Variants in ARHGAP10 observed in about 807,000 individuals in gnomAD.
ARHGAP10 encodes rho GTPase-activating protein 10.
A neutral mutation model predicts 108.6 loss-of-function variants in ARHGAP10; 87 were observed. The ratio of observed to expected loss-of-function variants is 0.80; its 90% CI spans 0.67 to 0.96. The LOEUF (loss-of-function observed/expected upper bound fraction) is 0.96, where lower values mean the gene tolerates loss of function less well. Ranked by LOEUF, ARHGAP10 falls within the 40% of genes least tolerant of loss-of-function variation. ARHGAP10 has a pLI of 0.00. For synonymous variants in ARHGAP10, 347 were observed against 341.1 expected, an observed-to-expected ratio of 1.02 and a Z score of -0.19; for missense variants, 939 against 954.5, an observed-to-expected ratio of 0.98 and a Z score of 0.21.
At chr4:147,858,327 C>T (rs1055443609) in intron 5 of ARHGAP10, 4 of 133,118 alleles carry the variant, frequency 3.0e-5, no homozygotes, top group East Asian at 4.4e-4. Flanking sequence ...GATTTAGTCT[C>T]ATCCCACAAA....
In ARHGAP10 at chr4:148,047,165, C is replaced by T. The variant is rs1578824954; in HGVS notation, c.2027+114C>T. 4.7e-6 allele frequency: 6 copies of T among 1,289,142 alleles called. No individual in the cohort carries two copies. In the East Asian group the frequency reaches 1.5e-4, roughly 32 times the overall value. 79.9% of individuals were successfully genotyped at this position (1,289,142 alleles called of 1,614,324 possible). ...GCTGAAGCCATTAGATCTAGGAGCC[C>T]TTGTTTTCTTATCAGAAGGGCCACC... On this transcript the variant is annotated intron_variant, in intron 20 of 22. Coordinates refer to ENST00000336498, the MANE Select transcript of ARHGAP10 (RefSeq NM_024605.4).
At chr4:147,760,290 G>GT (rs1204515959) in intron 1 of ARHGAP10, among the ~76,000 whole-genome samples, 2 of 152,238 alleles carry the variant, frequency 1.3e-5, no homozygotes, top group Admixed American at 6.5e-5. Flanking sequence ...ACTGAAGGAG[G>GT]TAAGTGCGTC....
At chr4:147,976,303 T>C (rs1008800461) in intron 18 of ARHGAP10, among the ~76,000 whole-genome samples, 2 of 152,220 alleles carry the variant, frequency 1.3e-5, no homozygotes, top group Non-Finnish European at 2.9e-5. Flanking sequence ...TAGGCAGCAC[T>C]AGTTTTTATG....
chr4:148,000,851 A>G (rs903633089), intron 18 of ARHGAP10, among the ~76,000 whole-genome samples: 1 of 152,136 alleles, frequency 6.6e-6, no homozygotes, highest in Non-Finnish European at 1.5e-5. Context: ...AGTAGATTGC[A>G]AAAATTTTCT....
chr4:147,870,560 G>C (rs895043762), intron 7 of ARHGAP10, among the ~76,000 whole-genome samples: 48 of 47,328 alleles, frequency 1.0e-3, no homozygotes, highest in African/African-American at 2.5e-3. Flanking sequence ...AAAGTGGCTA[G>C]ACTTTTTTTT....
At chr4:147,783,271 A>G (rs1730639349) in intron 1 of ARHGAP10, among the ~76,000 whole-genome samples, 1 of 144,980 alleles carries the variant, frequency 6.9e-6, no homozygotes, top group Non-Finnish European at 1.5e-5. Flanking sequence ...TATAATTTAT[A>G]TAACACACAT....
intron 1 of ARHGAP10, among the ~76,000 whole-genome samples, chr4:147,804,042 G>T (rs922704328): frequency 2.8e-5 from 4 of 144,720 alleles, no homozygotes; most frequent in Non-Finnish European, 3.0e-5. Context: ...GTGCAGGTTT[G>T]TTATATAGGT....
In ARHGAP10 at chr4:147,823,756, C is replaced by CA. The variant is rs545897779; in HGVS notation, c.312+808dup. 4.8e-3 allele frequency among the ~76,000 whole-genome samples: 717 copies of CA among 149,694 alleles called. 1 individual carries two copies. The highest frequency in any genetic ancestry group is 7.9e-3 in the Non-Finnish European group (532 of 67,382). ...TGGGTGACAGAGCAAGACCCTGTCTCAAAAAAAAAGAAAAAACAAAACAAA... is the reference window on the plus strand; with the variant it reads ...TGGGTGACAGAGCAAGACCCTGTCTCAAAAAAAAAAGAAAAAACAAAACAAA... On this transcript the variant is annotated intron_variant, in intron 3 of 22. Coordinates refer to ENST00000336498, the MANE Select transcript of ARHGAP10 (RefSeq NM_024605.4).
chr4:148,014,678 C>T (rs1040922449), intron 18 of ARHGAP10, among the ~76,000 whole-genome samples: 4 of 152,100 alleles, frequency 2.6e-5, no homozygotes, highest in African/African-American at 9.7e-5. Context: ...ATAGGTAGTT[C>T]TGGAATGTGT....
chr4:147,734,734 T>G (rs1238567343), intron 1 of ARHGAP10, among the ~76,000 whole-genome samples: 1 of 152,190 alleles, frequency 6.6e-6, no homozygotes, highest in Non-Finnish European at 1.5e-5. Flanking sequence ...TTCTGCAGCA[T>G]TTGAAAATGG....
intron 18 of ARHGAP10, among the ~76,000 whole-genome samples, chr4:147,980,951 C>T (rs1256878412): frequency 6.6e-6 from 1 of 152,076 alleles, no homozygotes; most frequent in Non-Finnish European, 1.5e-5. Context: ...CTTTGTTAAT[C>T]CAGCTAGCAA....
chr4:148,064,037 G>T (rs1729747400), intron 21 of ARHGAP10, among the ~76,000 whole-genome samples: 1 of 152,214 alleles, frequency 6.6e-6, no homozygotes, highest in Non-Finnish European at 1.5e-5. Context: ...CTGCCGGCTG[G>T]CCGTGTGTCT....
intron 18 of ARHGAP10, among the ~76,000 whole-genome samples, chr4:147,968,686 G>A (rs1440218371): frequency 1.3e-5 from 2 of 151,902 alleles, no homozygotes; most frequent in Admixed American, 6.6e-5. Flanking sequence ...TTTTTCTTCA[G>A]TCACCTGTAG....
intron 1 of ARHGAP10, among the ~76,000 whole-genome samples, chr4:147,753,978 A>G (rs1422451070): frequency 1.3e-5 from 2 of 151,988 alleles, no homozygotes; most frequent in Non-Finnish European, 2.9e-5. Flanking sequence ...TACTCGTTCT[A>G]AGAAAGACCT....
intron 20 of ARHGAP10, among the ~76,000 whole-genome samples, chr4:148,061,070 C>T (rs35344745): frequency 0.14 from 21,225 of 151,294 alleles, 1,733 homozygotes; most frequent in South Asian, 0.21. Flanking sequence ...CACCCACCCA[C>T]CCGCGGGTGT....
chr4:148,017,868 G>A (rs1038009084), intron 18 of ARHGAP10, among the ~76,000 whole-genome samples: 7 of 152,054 alleles, frequency 4.6e-5, no homozygotes, highest in Non-Finnish European at 1.0e-4. Context: ...GGCAGAAGTG[G>A]TGTAGTCATT....
rs549771963 is a variant in ARHGAP10, at chr4:147,937,084, G to A, written c.1229-2741G>A. 2.1e-4 allele frequency among the ~76,000 whole-genome samples: 32 copies of A among 152,148 alleles called. No homozygotes were observed. The South Asian group carries it at 3.5e-3, about 17-fold the overall frequency. ...TGAAACCATCCCCCCCACCCCAATC[G>A]GTGGAAAAATTGTCTTCCATGAAAC... On this transcript the variant is annotated intron_variant, in intron 13 of 22. Coordinates refer to ENST00000336498, the MANE Select transcript of ARHGAP10 (RefSeq NM_024605.4).
chr4:148,046,806 C>A, intron 19 of ARHGAP10, 86 bp from the exon 20 acceptor site: 1 of 1,293,260 alleles, frequency 7.7e-7, no homozygotes, highest in South Asian at 1.5e-5. Context: ...ATTTGATTGA[C>A]TAATCAAGTA....
rs921431177 is a variant in ARHGAP10 at position 148,017,733 on chromosome 4, T to C, written c.1717-5530T>C. 2.3e-4 allele frequency among the ~76,000 whole-genome samples: 35 copies of C among 150,720 alleles called. 1 individual carries two copies. Among genetic ancestry groups the C allele is most frequent in the African/African-American group, 7.8e-4 (32 of 40,886 alleles). ...GGAGAGGAAGTGTGATATCATTACATAGATAGATACTGTGGACTTAAGTAT... is the reference window on the plus strand; with the variant it reads ...GGAGAGGAAGTGTGATATCATTACACAGATAGATACTGTGGACTTAAGTAT... On this transcript the variant is annotated intron_variant, in intron 18 of 22. Transcript: ENST00000336498.
Sources: gnomAD v4.1 joint callset for allele counts (sites outside exome capture counted in the v4.1 genomes callset) on GRCh38, gnomAD v4.1.1 for gene constraint, MANE v1.5 for transcripts, NCBI Gene and HGNC (gene_info 2026-07-23, HGNC 2026-07-21) for gene names.